The following SLC28A3 variants were observed in gnomAD, a reference collection of about 807,000 sequenced individuals.
The protein encoded by SLC28A3 is solute carrier family 28 member 3.
A neutral mutation model predicts 84.2 loss-of-function variants in SLC28A3; 68 were observed. The observed-to-expected ratio is 0.81, with a 90% CI of 0.66 to 0.99. SLC28A3 has a LOEUF of 0.99. Ranked by LOEUF, SLC28A3 falls within the 50% of genes least tolerant of loss-of-function variation. The pLI, the probability that SLC28A3 is intolerant of heterozygous loss-of-function variation, is 0.00. For missense variants in SLC28A3, 712 were observed against 841.5 expected (o/e 0.85, Z 1.90); for synonymous variants, 267 against 303.6 (o/e 0.88, Z 1.25).
upstream of SLC28A3, among the ~76,000 whole-genome samples, chr9:84,344,640 CT>C (rs1827221795): frequency 6.6e-6 from 1 of 152,182 alleles, no homozygotes; most frequent in Non-Finnish European, 1.5e-5. Flanking sequence ...TCCTTTGTCT[CT>C]AAGGGCAGCC....
chr9:84,294,743 G>A (rs377260868), intron 8 of SLC28A3, among the ~76,000 whole-genome samples: 140 of 152,288 alleles, frequency 9.2e-4, no homozygotes, highest in African/African-American at 3.2e-3. Flanking sequence ...AGACACACCT[G>A]ACAGCAATAA....
At chr9:84,334,851 G>T (rs1156463205) in intron 1 of SLC28A3, among the ~76,000 whole-genome samples, 5 of 152,026 alleles carry the variant, frequency 3.3e-5, no homozygotes, top group African/African-American at 1.2e-4. Context: ...TGAACCCGTG[G>T]CCTCACTCTA....
intron 4 of SLC28A3, among the ~76,000 whole-genome samples, chr9:84,304,705 T>C (rs1414724683): frequency 6.6e-6 from 1 of 152,020 alleles, no homozygotes; most frequent in Non-Finnish European, 1.5e-5. Flanking sequence ...GCTATAAGAA[T>C]GAGGAGAGTA....
At chr9:84,362,835 G>C in the SLC28A3 span, among the ~76,000 whole-genome samples, 7 of 151,900 alleles carry the variant, frequency 4.6e-5, no homozygotes, top group Non-Finnish European at 7.4e-5. Context: ...AAGGAAAACT[G>C]CATTAAAATA....
At position 84,318,301 on chromosome 9, in the gene SLC28A3, T is replaced by A. The variant is rs965334992; in HGVS notation, c.61-4847A>T. On this transcript the variant is annotated intron_variant, in intron 1 of 17. Transcript: ENST00000376238. Reference sequence around the variant, plus strand: ...GGGCAGCCTGGGGCTCACTGTTACCTTTCAATGCTGAGGGATCTTTGGATT... The same window carrying A: ...GGGCAGCCTGGGGCTCACTGTTACCATTCAATGCTGAGGGATCTTTGGATT... 2.6e-5 allele frequency among the ~76,000 whole-genome samples: 4 copies of A among 152,162 alleles called. No individual in the cohort carries two copies. The East Asian group carries it at 7.7e-4, about 29-fold the overall frequency.
intron 3 of SLC28A3, among the ~76,000 whole-genome samples, chr9:84,308,909 A>G (rs573305964): frequency 1.3e-5 from 2 of 152,230 alleles, no homozygotes; most frequent in African/African-American, 2.4e-5. Context: ...CTTTGAGGCT[A>G]TTACAAGGTA....
chr9:84,308,113 C>A (rs1444519038), intron 3 of SLC28A3, among the ~76,000 whole-genome samples: 1 of 152,206 alleles, frequency 6.6e-6, no homozygotes, highest in Non-Finnish European at 1.5e-5. Flanking sequence ...AACAAAGTTC[C>A]TCCTGTAGTC....
the SLC28A3 span, among the ~76,000 whole-genome samples, chr9:84,358,969 A>AT: frequency 3.3e-5 from 5 of 152,002 alleles, no homozygotes; most frequent in South Asian, 2.1e-4. Context: ...CACCTGGCTA[A>AT]TTTTTTGTAT....
intron 13 of SLC28A3, among the ~76,000 whole-genome samples, 186 bp downstream of exon 13, chr9:84,285,757 C>G (rs936504406): frequency 6.6e-6 from 1 of 151,568 alleles, no homozygotes; most frequent in Non-Finnish European, 1.5e-5. Context: ...GACTGACTGT[C>G]GTTGTGGGGA....
chr9:84,283,021 C>T (rs1229523840), intron 14 of SLC28A3, among the ~76,000 whole-genome samples: 1 of 128,488 alleles, frequency 7.8e-6, no homozygotes, highest in East Asian at 2.8e-4. Flanking sequence ...TATTCTAGTG[C>T]TTTTCATTTA....
chr9:84,309,823 AAATT>A, intron 2 of SLC28A3, 109 bp from the exon 3 acceptor site: 1 of 810,658 alleles, frequency 1.2e-6, no homozygotes, highest in Non-Finnish European at 2.0e-6. Context: ...AGGTCCTTTT[AAATT>A]ATTATGCAAG....
intron 1 of SLC28A3, among the ~76,000 whole-genome samples, chr9:84,337,649 T>C (rs923950052): frequency 3.3e-5 from 5 of 152,236 alleles, no homozygotes; most frequent in African/African-American, 1.2e-4. Flanking sequence ...CGCAATACTT[T>C]AAATGCCAAT....
rs1824685157 is a variant in SLC28A3 at position 84,280,084 on chromosome 9, T to C, written c.1730-11A>G. 1 of 1,612,360 alleles carries C rather than the reference T, an allele frequency of 6.2e-7. No homozygotes were observed. Among genetic ancestry groups the C allele is most frequent in the South Asian group, 1.1e-5 (1 of 90,916 alleles). On this transcript the variant is annotated splice_polypyrimidine_tract_variant and intron_variant, in intron 15 of 17. Coordinates refer to ENST00000376238, the MANE Select transcript of SLC28A3 (RefSeq NM_001199633.2). ...AAGGAGCCATGGATGCTGGGAAACATGGAAGGAGGGATGTGAGATCAATGT... is the reference window on the plus strand; with the variant it reads ...AAGGAGCCATGGATGCTGGGAAACACGGAAGGAGGGATGTGAGATCAATGT...
intron 13 of SLC28A3, 127 bp from the exon 14 acceptor site, chr9:84,285,669 C>T (rs1824952971): frequency 2.0e-6 from 2 of 1,021,844 alleles, no homozygotes; most frequent in African/African-American, 1.6e-5. Flanking sequence ...TTCCCTTGCC[C>T]ATCTTTACCC....
At chr9:84,367,163 G>A in the SLC28A3 span, among the ~76,000 whole-genome samples, 38 of 152,120 alleles carry the variant, frequency 2.5e-4, no homozygotes, top group African/African-American at 8.9e-4. Flanking sequence ...CACCACCACC[G>A]CAGGCCACGG....
intron 7 of SLC28A3, 132 bp from the exon 8 acceptor site, chr9:84,297,430 C>T: frequency 3.0e-6 from 2 of 658,278 alleles, no homozygotes; most frequent in Non-Finnish European, 5.2e-6. Flanking sequence ...TTAATGTTCT[C>T]AGCTTTGCCC....
intron 1 of SLC28A3, among the ~76,000 whole-genome samples, chr9:84,314,870 A>T (rs1340246327): frequency 2.0e-5 from 3 of 152,206 alleles, no homozygotes; most frequent in Non-Finnish European, 4.4e-5. Context: ...CGAGGTCAGG[A>T]GATTGAGACC....
chr9:84,361,452 A>G, the SLC28A3 span, among the ~76,000 whole-genome samples: 1 of 152,238 alleles, frequency 6.6e-6, no homozygotes, highest in Non-Finnish European at 1.5e-5. Flanking sequence ...TCCAACTTAA[A>G]ATGTCTTTCC....
intron 8 of SLC28A3, among the ~76,000 whole-genome samples, chr9:84,294,491 GCTTT>G (rs1825345782): frequency 6.6e-6 from 1 of 152,188 alleles, no homozygotes; most frequent in Non-Finnish European, 1.5e-5. Context: ...TCTATGGTGA[GCTTT>G]TTTTGCTCAA....
Sources: allele counts gnomAD v4.1 joint callset (sites outside exome capture counted in the v4.1 genomes callset), GRCh38; gene constraint gnomAD v4.1.1; transcripts MANE v1.5; gene names NCBI Gene and HGNC (gene_info 2026-07-23, HGNC 2026-07-21).